The following UBE2E2 variants were observed in gnomAD, a reference collection of about 807,000 sequenced individuals.
UBE2E2 encodes the protein ubiquitin conjugating enzyme E2 E2.
A neutral mutation model predicts 24.7 loss-of-function variants in UBE2E2; 6 were observed. The ratio of observed to expected loss-of-function variants is 0.24; its 90% CI spans 0.13 to 0.48. The LOEUF is 0.48. Ranked by LOEUF, UBE2E2 falls within the 20% of genes least tolerant of loss-of-function variation. The pLI, the probability that UBE2E2 is intolerant of heterozygous loss-of-function variation, is 0.99. For missense variants in UBE2E2, 169 were observed against 245.0 expected, an observed-to-expected ratio of 0.69 and a Z score of 2.07; for synonymous variants, 104 against 83.6, an observed-to-expected ratio of 1.24 and a Z score of -1.33.
At chr3:23,332,778 G>A (rs1028244786) in intron 3 of UBE2E2, among the ~76,000 whole-genome samples, 1 of 151,624 alleles carries the variant, frequency 6.6e-6, no homozygotes, top group Non-Finnish European at 1.5e-5. Context: ...GAGAAAAGGA[G>A]TAGTATTTAG....
intron 4 of UBE2E2, among the ~76,000 whole-genome samples, chr3:23,527,597 T>C (rs1695028731): frequency 6.6e-6 from 1 of 152,150 alleles, no homozygotes; most frequent in Non-Finnish European, 1.5e-5. Flanking sequence ...ATCATGTGAT[T>C]AGAGGGTTGG....
At chr3:23,573,084 C>G (rs1187327449) in intron 5 of UBE2E2, among the ~76,000 whole-genome samples, 1 of 152,078 alleles carries the variant, frequency 6.6e-6, no homozygotes, top group Non-Finnish European at 1.5e-5. Context: ...ACTTAATTTA[C>G]TAGATATCAA....
intron 3 of UBE2E2, among the ~76,000 whole-genome samples, chr3:23,349,744 G>A (rs952098640): frequency 5.3e-5 from 8 of 152,232 alleles, no homozygotes; most frequent in African/African-American, 1.9e-4. Flanking sequence ...CTCAAACTGG[G>A]TGGAGCCCAC....
intron 5 of UBE2E2, among the ~76,000 whole-genome samples, chr3:23,569,501 T>C (rs945062351): frequency 3.3e-5 from 5 of 152,242 alleles, no homozygotes; most frequent in Non-Finnish European, 5.9e-5. Context: ...TCAATAAAGC[T>C]GTTTTTAAAA....
intron 4 of UBE2E2, among the ~76,000 whole-genome samples, chr3:23,504,119 C>T (rs896418463): frequency 4.6e-5 from 7 of 152,122 alleles, no homozygotes; most frequent in African/African-American, 9.7e-5. Flanking sequence ...AATATGTACA[C>T]GTACATGCCT....
At chr3:23,331,365 G>A (rs940540423) in intron 3 of UBE2E2, among the ~76,000 whole-genome samples, 7 of 152,134 alleles carry the variant, frequency 4.6e-5, no homozygotes, top group Non-Finnish European at 7.3e-5. Context: ...ACAAAGTACT[G>A]CCAACCTGGA....
intron 3 of UBE2E2, among the ~76,000 whole-genome samples, chr3:23,447,175 T>C (rs991670370): frequency 1.3e-5 from 2 of 152,182 alleles, no homozygotes; most frequent in Non-Finnish European, 2.9e-5. Flanking sequence ...TTAATGCCAG[T>C]CTCTATGTAA....
At chr3:23,334,999 C>A (rs1169258728) in intron 3 of UBE2E2, among the ~76,000 whole-genome samples, 1 of 152,094 alleles carries the variant, frequency 6.6e-6, no homozygotes, top group East Asian at 1.9e-4. Context: ...AACTTTTGAG[C>A]CTTAAAAGCT....
intron 3 of UBE2E2, among the ~76,000 whole-genome samples, chr3:23,380,086 T>A (rs1212218268): frequency 2.1e-4 from 29 of 136,310 alleles, no homozygotes; most frequent in African/African-American, 7.0e-4. Context: ...TTGATTACTG[T>A]AAAAAAAAAA....
At chr3:23,235,269 T>A (rs924700024) in intron 3 of UBE2E2, among the ~76,000 whole-genome samples, 34 of 152,112 alleles carry the variant, frequency 2.2e-4, no homozygotes, top group Non-Finnish European at 4.7e-4. Flanking sequence ...TAGTTTTATT[T>A]TGGGTTGAGA....
At chr3:23,370,941 G>T (rs1310423619) in intron 3 of UBE2E2, among the ~76,000 whole-genome samples, 1 of 152,128 alleles carries the variant, frequency 6.6e-6, no homozygotes, top group Non-Finnish European at 1.5e-5. Flanking sequence ...ACTTGAAAAC[G>T]TTTAAAAGAT....
intron 3 of UBE2E2, among the ~76,000 whole-genome samples, chr3:23,482,542 T>TCCCACGCTGTTCTC: frequency 1.3e-5 from 2 of 152,074 alleles, no homozygotes; most frequent in East Asian, 3.9e-4. Context: ...ACGCTGTTCT[T>TCCCACGCTGTTCTC]GACTCCCTTT....
chr3:23,392,305 C>T (rs1472776905), intron 3 of UBE2E2, among the ~76,000 whole-genome samples: 1 of 152,094 alleles, frequency 6.6e-6, no homozygotes, highest in Non-Finnish European at 1.5e-5. Context: ...ATGCATGAGA[C>T]TGTGTAAACT....
At chr3:23,323,386 C>T (rs1435705083) in intron 3 of UBE2E2, 4 of 248,472 alleles carry the variant, frequency 1.6e-5, no homozygotes, top group Non-Finnish European at 3.2e-5. Context: ...GATTTTTATT[C>T]TAGACGATTT....
chr3:23,394,239 A>G (rs1697022139), intron 3 of UBE2E2, among the ~76,000 whole-genome samples: 1 of 152,202 alleles, frequency 6.6e-6, no homozygotes, highest in Non-Finnish European at 1.5e-5. Flanking sequence ...TCTTTTTGTA[A>G]CAAGTTTTGG....
intron 3 of UBE2E2, among the ~76,000 whole-genome samples, chr3:23,274,711 C>T (rs574516150): frequency 1.3e-5 from 2 of 152,094 alleles, no homozygotes; most frequent in South Asian, 4.2e-4. Flanking sequence ...TATGTGTGTT[C>T]CACAATTTAA....
At chr3:23,351,114 T>G (rs1007934169) in intron 3 of UBE2E2, among the ~76,000 whole-genome samples, 4 of 152,166 alleles carry the variant, frequency 2.6e-5, no homozygotes, top group African/African-American at 4.8e-5. Flanking sequence ...TTTCAGCCCA[T>G]AATTTCATAT....
chr3:23,296,909 G>C (rs1698926167), intron 3 of UBE2E2, among the ~76,000 whole-genome samples: 1 of 152,202 alleles, frequency 6.6e-6, no homozygotes, highest in Admixed American at 6.5e-5. Flanking sequence ...CGTTGAACTA[G>C]TTTACAGTCC....
chr3:23,589,611 T>C lies in UBE2E2; in HGVS notation c.509-123T>C, dbSNP rs1696714271. The C allele has an allele frequency of 4.4e-6, 4 of 912,298 alleles. No homozygotes were observed. The highest frequency in any genetic ancestry group is 3.4e-6 in the Non-Finnish European group (2 of 589,070). The allele number at this position is 912,298 out of a possible 1,614,324, so 56.5% of individuals were successfully genotyped here. A position where few individuals can be genotyped will look rare whatever the true frequency, so the allele number is the denominator to read the frequency against. ...CAGGTGACTGGCTCAGCCGCAGCAA[T>C]GGTGGTCCAGGTTAGAACAGCAGCT... On this transcript the variant is annotated intron_variant, in intron 5 of 5. Transcript: ENST00000396703. The surrounding 1 kb of genome is among the most constrained non-coding windows in gnomAD (Gnocchi z 4.1).
Sources: gnomAD v4.1 joint callset for allele counts (sites outside exome capture counted in the v4.1 genomes callset) on GRCh38, gnomAD v4.1.1 for gene constraint, Gnocchi (gnomAD v3.1) non-coding constraint, MANE v1.5 for transcripts, NCBI Gene and HGNC (gene_info 2026-07-23, HGNC 2026-07-21) for gene names.